Variants in PCDHA4 observed in about 807,000 individuals in gnomAD.
PCDHA4 encodes protocadherin alpha-4.
In PCDHA4, 49 loss-of-function variants were observed where a neutral mutation model predicts 61.4. The ratio of observed to expected loss-of-function variants is 0.80; its 90% CI spans 0.63 to 1.01. PCDHA4 has a LOEUF of 1.01. Among genes scored for constraint, PCDHA4 ranks in the 50% least tolerant of loss-of-function variants. The pLI is 0.00. For synonymous variants in PCDHA4, 590 were observed against 550.3 expected (o/e 1.07, Z -1.01); for missense variants, 1,254 against 1,235.8 (o/e 1.01, Z -0.22).
chr5:140,823,672 A>T, intron 1 of PCDHA4: 15 of 1,614,048 alleles, frequency 9.3e-6, no homozygotes, highest in Non-Finnish European at 1.3e-5. Flanking sequence ...GATCAGCACA[A>T]CACGCTCTCT....
chr5:140,929,352 C>T (rs782815841), intron 1 of PCDHA4: 8 of 1,526,758 alleles, frequency 5.2e-6, no homozygotes, highest in Admixed American at 2.1e-5. Flanking sequence ...GAATTTGATT[C>T]CTTTGGCCCG....
rs1563652468 is a variant in PCDHA4 at position 141,000,419 on chromosome 5, A to AT, written c.2534-9207dup. The stretch of plus-strand genomic sequence containing the variant: ...TCTATATATATATATATATATATAT[A>AT]TATTTTTTTTTTTTTTTTTTTTTTT... On this transcript the variant is annotated intron_variant, in intron 3 of 3. Transcript: ENST00000530339. 4.4e-3 allele frequency among the ~76,000 whole-genome samples: 271 copies of AT among 60,978 alleles called. 1 individual carries two copies. The highest frequency in any genetic ancestry group is 5.9e-3 in the Non-Finnish European group (210 of 35,644). The allele number at this position is 60,978 out of a possible 152,430, so 40.0% of individuals were successfully genotyped here.
At chr5:140,855,253 C>A (rs2043395056) in intron 1 of PCDHA4, among the ~76,000 whole-genome samples, 2 of 149,832 alleles carry the variant, frequency 1.3e-5, no homozygotes, top group South Asian at 4.2e-4. Flanking sequence ...CAAGCACTTA[C>A]TATATTATAA....
chr5:140,822,628 C>A (rs1170983907), intron 1 of PCDHA4: 4 of 1,610,966 alleles, frequency 2.5e-6, no homozygotes, highest in Non-Finnish European at 3.4e-6. Flanking sequence ...TAATCTTGTT[C>A]TTGACGATGT....
At chr5:140,838,208 G>A (rs1272239930) in intron 1 of PCDHA4, among the ~76,000 whole-genome samples, 1 of 150,064 alleles carries the variant, frequency 6.7e-6, no homozygotes, top group Non-Finnish European at 1.5e-5. Flanking sequence ...CCGCCTCTCT[G>A]GTACAAGCAG....
intron 1 of PCDHA4, among the ~76,000 whole-genome samples, chr5:140,902,686 A>G (rs1038713623): frequency 2.0e-5 from 3 of 152,090 alleles, no homozygotes; most frequent in Non-Finnish European, 4.4e-5. Context: ...CGTACCTAAT[A>G]TGTGTAGTCT....
chr5:140,808,921 C>T lies in PCDHA4; in HGVS notation c.1734C>T (p.Ser578=). The change falls in exon 1 of 4, where the codon AGC becomes AGT. Residue 578 remains serine, a synonymous_variant. Transcript: ENST00000530339. ...CGGGTGGCACTGGTGGCGCAGTGAG[C>T]GAGCTGGTGCCATGGTCGGTGGGTG... ...PRAGGTGGAV[S]ELVPWSVGVG... is the part of the protein sequence containing the mutation. The T allele has an allele frequency of 1.2e-6, 2 of 1,613,590 alleles. No individual in the cohort carries two copies. Among genetic ancestry groups the T allele is most frequent in the South Asian group, 2.2e-5 (2 of 91,050 alleles).
intron 1 of PCDHA4, among the ~76,000 whole-genome samples, chr5:140,970,696 C>T (rs2096425637): frequency 6.6e-6 from 1 of 152,144 alleles, no homozygotes; most frequent in Admixed American, 6.5e-5. Flanking sequence ...GCTTTTAGAG[C>T]TACTACACAA....
At chr5:140,851,162 G>C in intron 1 of PCDHA4, 1 of 1,294,640 alleles carries the variant, frequency 7.7e-7, no homozygotes, top group African/African-American at 1.5e-5. Context: ...CTGATGCTAT[G>C]CTGCCATAAC....
intron 1 of PCDHA4, among the ~76,000 whole-genome samples, chr5:140,964,981 T>C (rs2095867317): frequency 6.6e-6 from 1 of 152,188 alleles, no homozygotes; most frequent in Non-Finnish European, 1.5e-5. Context: ...ATGTGCTAGT[T>C]CAGGCCTTTG....
chr5:140,973,556 C>A lies in PCDHA4; in HGVS notation c.2386-5393C>A, dbSNP rs993191449. Among the ~76,000 whole-genome samples the A allele has an allele frequency of 3.9e-5, 6 of 152,336 alleles. 1 individual carries two copies. In the South Asian group the frequency reaches 1.2e-3, roughly 32 times the overall value. ...ATACAATAATTTATTTCAATTACCT[C>A]TTTCCTCAATTTTTCTACAGACTGC... On this transcript the variant is annotated intron_variant, in intron 1 of 3. Coordinates refer to ENST00000530339, the MANE Select transcript of PCDHA4 (RefSeq NM_018907.4).
At chr5:140,863,236 G>A (rs782784210) in intron 1 of PCDHA4, 6 of 1,282,274 alleles carry the variant, frequency 4.7e-6, no homozygotes, top group Non-Finnish European at 4.4e-6. Context: ...CCCATCGCGG[G>A]CTTTGGCGGG....
At chr5:141,003,938 G>A (rs1195315346) in intron 3 of PCDHA4, among the ~76,000 whole-genome samples, 1 of 152,178 alleles carries the variant, frequency 6.6e-6, no homozygotes, top group Non-Finnish European at 1.5e-5. Flanking sequence ...GTCTTTGCCT[G>A]AGGGTGAGCT....
At chr5:140,824,207 A>C (rs2150133206) in intron 1 of PCDHA4, 34 of 1,587,454 alleles carry the variant, frequency 2.1e-5, no homozygotes, top group Non-Finnish European at 1.8e-5. Context: ...CTTTTTTTGT[A>C]TTTAAAAATT....
At chr5:140,818,715 G>A (rs1293296922) in intron 1 of PCDHA4, among the ~76,000 whole-genome samples, 2 of 152,184 alleles carry the variant, frequency 1.3e-5, no homozygotes, top group Non-Finnish European at 1.5e-5. Flanking sequence ...GTGCACACCT[G>A]TGGTCCCAGC....
chr5:141,004,708 A>G (rs955852492), intron 3 of PCDHA4, among the ~76,000 whole-genome samples: 2 of 152,340 alleles, frequency 1.3e-5, no homozygotes, highest in South Asian at 4.1e-4. Flanking sequence ...TAGGTGCCGA[A>G]TCAGAGGTTT....
At chr5:140,993,310 A>G (rs1013688133) in intron 3 of PCDHA4, among the ~76,000 whole-genome samples, 2 of 152,038 alleles carry the variant, frequency 1.3e-5, no homozygotes, top group African/African-American at 4.8e-5. Context: ...CTCCAGGATA[A>G]TACCTTCTAA....
rs144568392 is a variant in PCDHA4 at position 140,837,758 on chromosome 5, C to T, written c.2385+28186C>T. Among the ~76,000 whole-genome samples the T allele has an allele frequency of 1.3e-4, 19 of 151,820 alleles. No homozygotes were observed. The South Asian group carries it at 1.5e-3, about 12-fold the overall frequency. On this transcript the variant is annotated intron_variant, in intron 1 of 3. Transcript: ENST00000530339. ...GTGGTGGGATTATAGCCCACTGCAA[C>T]CTGAAAGTCCTGGGCTCACAGGATC...
chr5:140,946,631 T>TATATATATATATAC (rs57893927), intron 1 of PCDHA4, among the ~76,000 whole-genome samples: 2,707 of 131,678 alleles, frequency 0.021, 122 homozygotes, highest in African/African-American at 0.036. Flanking sequence ...TATATATATA[T>TATATATATATATAC]ACAATGGAAT....
Sources: gnomAD v4.1 joint callset for allele counts (sites outside exome capture counted in the v4.1 genomes callset) on GRCh38, gnomAD v4.1.1 for gene constraint, MANE v1.5 for transcripts, NCBI Gene and HGNC (gene_info 2026-07-23, HGNC 2026-07-21) for gene names.